The following IPMK variants were observed in gnomAD, a reference collection of about 807,000 sequenced individuals.
IPMK encodes the protein inositol polyphosphate multikinase, also known as inositol 1,3,4,6-tetrakisphosphate 5-kinase.
Under a neutral mutation model 45.8 loss-of-function variants are expected in IPMK, and 17 were observed. The ratio of observed to expected loss-of-function variants is 0.37; its 90% CI spans 0.25 to 0.56. The LOEUF is 0.56. Ranked by LOEUF, IPMK falls within the 20% of genes least tolerant of loss-of-function variation. IPMK has a pLI of 0.79. For synonymous variants in IPMK, 180 were observed against 184.3 expected, an observed-to-expected ratio of 0.98 and a Z score of 0.19; for missense variants, 399 against 498.0, an observed-to-expected ratio of 0.80 and a Z score of 1.89.
At chr10:58,200,175 G>A (rs1837976751) in intron 4 of IPMK, among the ~76,000 whole-genome samples, 1 of 152,148 alleles carries the variant, frequency 6.6e-6, no homozygotes, top group Non-Finnish European at 1.5e-5. Flanking sequence ...CTGGAGTGCA[G>A]TGGCGTGATC....
chr10:58,212,525 C>T (rs563188719), intron 4 of IPMK: 31 of 201,216 alleles, frequency 1.5e-4, no homozygotes, highest in African/African-American at 6.6e-4. Context: ...AAGTAATTGC[C>T]GAATTTGTTA....
chr10:58,231,494 A>G (rs1838520093), intron 2 of IPMK, among the ~76,000 whole-genome samples: 1 of 152,176 alleles, frequency 6.6e-6, no homozygotes, highest in Admixed American at 6.5e-5. Context: ...CAGAAACCCT[A>G]AAGCCAGAAG....
chr10:58,213,269 G>C (rs1018709936), intron 4 of IPMK, among the ~76,000 whole-genome samples: 1 of 152,210 alleles, frequency 6.6e-6, no homozygotes, highest in African/African-American at 2.4e-5. Flanking sequence ...AGCAGAGCCT[G>C]CTGATAAACA....
chr10:58,212,776 G>A, intron 4 of IPMK: 1 of 223,402 alleles, frequency 4.5e-6, no homozygotes, highest in Non-Finnish European at 9.8e-6. Flanking sequence ...GTTCTTGTAG[G>A]TGTTTTTTGT....
chr10:58,263,436 A>C (rs1839103249), intron 1 of IPMK, among the ~76,000 whole-genome samples: 1 of 151,952 alleles, frequency 6.6e-6, no homozygotes. Flanking sequence ...AGGCACGAGA[A>C]TCACTTGAAC....
At chr10:58,227,639 G>C (rs569158130) in intron 2 of IPMK, among the ~76,000 whole-genome samples, 1 of 151,970 alleles carries the variant, frequency 6.6e-6, no homozygotes, top group Non-Finnish European at 1.5e-5. Context: ...ACACATATTT[G>C]TTTTATATCT....
At chr10:58,245,888 T>C (rs1838792194) in intron 1 of IPMK, among the ~76,000 whole-genome samples, 1 of 133,292 alleles carries the variant, frequency 7.5e-6, no homozygotes, top group Admixed American at 6.9e-5. Context: ...ACGACATGAT[T>C]GTATATTTAG....
chr10:58,222,508 CAGATCTA>C (rs1225541789), intron 3 of IPMK, among the ~76,000 whole-genome samples: 2 of 152,098 alleles, frequency 1.3e-5, no homozygotes, highest in East Asian at 3.9e-4. Flanking sequence ...TTGTAAACCC[CAGATCTA>C]AGACAGAGAG....
In IPMK at chr10:58,259,678, A is replaced by AAAAACAAAAAAAAAC. The variant is rs1554825699; in HGVS notation, c.190+7743_190+7744insGTTTTTTTTTGTTTT. ...TAAAATCCCATCTCTACATAAAAAA[A>AAAAACAAAAAAAAAC]AAAAAAAAACAATTAGCCAGGCATG... On this transcript the variant is annotated intron_variant, in intron 1 of 5. Transcript: ENST00000373935. 3.5e-5 allele frequency among the ~76,000 whole-genome samples: 5 copies of AAAAACAAAAAAAAAC among 144,594 alleles called. No homozygotes were observed. The East Asian group carries it at 6.8e-4, about 20-fold the overall frequency. 94.9% of individuals were successfully genotyped at this position (144,594 alleles called of 152,430 possible).
At chr10:58,260,543 G>A (rs891912422) in intron 1 of IPMK, among the ~76,000 whole-genome samples, 1 of 152,136 alleles carries the variant, frequency 6.6e-6, no homozygotes, top group African/African-American at 2.4e-5. Context: ...CATATACAGA[G>A]AGTAATAAAG....
At chr10:58,206,300 T>G (rs2132146392) in intron 4 of IPMK, among the ~76,000 whole-genome samples, 1 of 152,000 alleles carries the variant, frequency 6.6e-6, no homozygotes, top group Admixed American at 6.6e-5. Flanking sequence ...GGACAGGGAG[T>G]TTGGAAGGAA....
At chr10:58,207,132 A>G (rs1838082705) in intron 4 of IPMK, among the ~76,000 whole-genome samples, 1 of 152,164 alleles carries the variant, frequency 6.6e-6, no homozygotes, top group Non-Finnish European at 1.5e-5. Context: ...CCTCCTGAGT[A>G]GCTAGGACTA....
At chr10:58,204,513 G>A (rs1451101612) in intron 4 of IPMK, among the ~76,000 whole-genome samples, 1 of 152,120 alleles carries the variant, frequency 6.6e-6, no homozygotes. Context: ...CAAAGCTGAG[G>A]CCAGGTGCAG....
intron 2 of IPMK, among the ~76,000 whole-genome samples, chr10:58,237,198 T>G (rs1838626838): frequency 6.6e-6 from 1 of 152,174 alleles, no homozygotes; most frequent in African/African-American, 2.4e-5. Flanking sequence ...CTCTTGCCCT[T>G]ACAAGACACA....
At chr10:58,237,361 T>C (rs1838628981) in intron 2 of IPMK, among the ~76,000 whole-genome samples, 1 of 152,202 alleles carries the variant, frequency 6.6e-6, no homozygotes, top group South Asian at 2.1e-4. Context: ...TATAACATTA[T>C]AACATCTCTT....
chr10:58,191,578 C>T lies in IPMK; in HGVS notation c.*4498G>A, dbSNP rs1230296656. 6.6e-6 allele frequency: 1 copy of T among 151,972 alleles called. No individual in the cohort carries two copies. The highest frequency in any genetic ancestry group is 1.5e-5 in the Non-Finnish European group (1 of 67,940). The allele number at this position is 151,972 out of a possible 1,614,324, so 9.4% of individuals were successfully genotyped here. A position where few individuals can be genotyped will look rare whatever the true frequency, so the allele number is the denominator to read the frequency against. On this transcript the variant is annotated 3_prime_UTR_variant, in exon 6 of 6. Coordinates refer to ENST00000373935, the MANE Select transcript of IPMK (RefSeq NM_152230.5). Reference sequence around the variant, plus strand: ...ACAGTTATTAGAATTATGTAAATATCACTTATAAAAATTGGTATATCACAT... The same window carrying T: ...ACAGTTATTAGAATTATGTAAATATTACTTATAAAAATTGGTATATCACAT...
At chr10:58,255,468 G>T (rs79158319) in intron 1 of IPMK, among the ~76,000 whole-genome samples, 7,509 of 152,162 alleles carry the variant, frequency 0.049, 442 homozygotes, top group East Asian at 0.31. Flanking sequence ...TATCAGTCAA[G>T]GTTTCTCTCA....
chr10:58,222,929 T>C (rs1838358891), intron 3 of IPMK, among the ~76,000 whole-genome samples: 1 of 152,210 alleles, frequency 6.6e-6, no homozygotes, highest in Non-Finnish European at 1.5e-5. Context: ...TTCTCACTCA[T>C]AAGTGGGAGC....
chr10:58,251,326 G>T (rs562164497), intron 1 of IPMK, among the ~76,000 whole-genome samples: 66 of 151,636 alleles, frequency 4.4e-4, no homozygotes, highest in Admixed American at 2.0e-3. Flanking sequence ...ATCGTTTCTG[G>T]GTTTATTCTG....
Sources: gnomAD v4.1 joint callset for allele counts (sites outside exome capture counted in the v4.1 genomes callset) on GRCh38, gnomAD v4.1.1 for gene constraint, MANE v1.5 for transcripts, NCBI Gene and HGNC (gene_info 2026-07-23, HGNC 2026-07-21) for gene names.